The following PIF1 variants were observed in gnomAD, a reference collection of about 807,000 sequenced individuals.
PIF1 encodes ATP-dependent DNA helicase PIF1.
In PIF1, 67 loss-of-function variants were observed where a neutral mutation model predicts 62.3. The observed-to-expected ratio is 1.08, with a 90% CI of 0.88 to 1.32. The LOEUF (loss-of-function observed/expected upper bound fraction) is 1.32, where lower values mean the gene tolerates loss of function less well. PIF1 is among the 40% of genes most tolerant of loss of function. The probability of loss-of-function intolerance (pLI) is 0.00; values close to 1 mark genes in which losing one functional copy is unlikely to be tolerated. For missense variants in PIF1, 886 were observed against 866.1 expected (o/e 1.02, Z -0.29); for synonymous variants, 364 against 379.5 (o/e 0.96, Z 0.47).
chr15:64,825,176 C>T (rs1005882104), intron 1 of PIF1, among the ~76,000 whole-genome samples: 2 of 151,816 alleles, frequency 1.3e-5, no homozygotes, highest in African/African-American at 4.8e-5. Context: ...CACATGAATC[C>T]TCAGAGTACT....
chr15:64,816,567 C>T lies in PIF1; in HGVS notation c.1866+7G>A. ...CCACAGCCCACCACTGGATGACTCC[C>T]TCTTACCAGACTGAGGCTCCTGCCC... On this transcript the variant is annotated splice_region_variant and intron_variant, in intron 12 of 12. Transcript: ENST00000559239. 1 of 1,613,084 alleles carries T rather than the reference C, an allele frequency of 6.2e-7. No individual in the cohort carries two copies. The highest frequency in any genetic ancestry group is 1.1e-5 in the South Asian group (1 of 91,042).
At chr15:64,823,476 T>C (rs986128175) in intron 2 of PIF1, 9 of 243,418 alleles carry the variant, frequency 3.7e-5, no homozygotes, top group African/African-American at 1.6e-4. Context: ...TCAGAACTCC[T>C]AACCTCAGGT....
chr15:64,823,935 G>C lies in PIF1; in HGVS notation c.401C>G (p.Ser134Cys). ...LAAAPGPGPASARAQLLGPRP... is the reference protein window; with the variant it reads ...LAAAPGPGPACARAQLLGPRP... Reference sequence around the variant, plus strand: ...CGGGCCCAGCAGCTGCGCTCGGGCGGAGGCCGGCCCGGGACCCGGGGCCGC... The same window carrying C: ...CGGGCCCAGCAGCTGCGCTCGGGCGCAGGCCGGCCCGGGACCCGGGGCCGC... The change falls in exon 2 of 13, where the codon TCC (serine) becomes TGC (cysteine). Residue 134 changes from serine (S) to cysteine (C), a missense_variant. By Grantham distance (112) the Ser-to-Cys change is moderately radical. Transcript: ENST00000559239. 1 of 1,318,826 alleles carries C rather than the reference G, an allele frequency of 7.6e-7. No homozygotes were observed. Among genetic ancestry groups the C allele is most frequent in the Non-Finnish European group, 9.7e-7 (1 of 1,029,298 alleles). The allele number at this position is 1,318,826 out of a possible 1,614,324, so 81.7% of individuals were successfully genotyped here. A position where few individuals can be genotyped will look rare whatever the true frequency, so the allele number is the denominator to read the frequency against.
chr15:64,821,139 G>A, intron 6 of PIF1, 28 bp downstream of exon 6: 4 of 1,613,320 alleles, frequency 2.5e-6, no homozygotes, highest in Non-Finnish European at 3.4e-6. Flanking sequence ...GACCCCCAAG[G>A]AGAGCAGAGC....
chr15:64,817,525 G>C (rs1024028405), intron 11 of PIF1, among the ~76,000 whole-genome samples: 1 of 151,744 alleles, frequency 6.6e-6, no homozygotes, highest in Non-Finnish European at 1.5e-5. Flanking sequence ...GGGCGACAGA[G>C]CAAGACTCTG....
At chr15:64,822,106 C>T in intron 4 of PIF1, 160 bp downstream of exon 4, 2 of 911,692 alleles carry the variant, frequency 2.2e-6, no homozygotes, top group Non-Finnish European at 1.7e-6. Flanking sequence ...AACTCCTGGG[C>T]TCAAGCGATC....
At chr15:64,820,085 T>C in intron 7 of PIF1, 99 bp from the exon 8 acceptor site, 1 of 1,456,040 alleles carries the variant, frequency 6.9e-7, no homozygotes, top group Non-Finnish European at 9.3e-7. Context: ...GGGTCAGGCC[T>C]TGGGACTGGA....
chr15:64,817,921 C>G (rs1260390479), intron 11 of PIF1, 25 bp downstream of exon 11: 8 of 1,594,730 alleles, frequency 5.0e-6, no homozygotes. Context: ...CCCTCCCTGT[C>G]CCTGCCCCCC....
chr15:64,822,597 C>T lies in PIF1; in HGVS notation c.572G>A (p.Trp191Ter). The T allele has an allele frequency of 6.2e-7, 1 of 1,613,970 alleles. No individual in the cohort carries two copies. Among genetic ancestry groups the T allele is most frequent in the Non-Finnish European group, 8.5e-7 (1 of 1,180,020 alleles). Residue 191 changes from tryptophan to a stop codon, truncating the protein, a stop_gained, in exon 3 of 13, where the codon TGG becomes TAG. Coordinates refer to ENST00000559239, the MANE Select transcript of PIF1 (RefSeq NM_001286496.2). LOFTEE classifies it high-confidence loss of function. Reference protein sequence around the residue: ...GAEPSTEAPRWPLPVKRLSLP... With the variant: ...GAEPSTEAPR The stretch of plus-strand genomic sequence containing the variant: ...GCTCAGCCTCTTCACAGGCAGGGGC[C>T]ACCTTGGGGCTTCCTGGGGGGAACA...
chr15:64,817,779 T>TGGTG, intron 11 of PIF1, among the ~76,000 whole-genome samples, 167 bp downstream of exon 11: 1 of 150,872 alleles, frequency 6.6e-6, no homozygotes, highest in East Asian at 2.0e-4. Context: ...GGAGAATCTC[T>TGGTG]TGAACCTGGG....
At position 64,817,867 on chromosome 15, in the gene PIF1, T is replaced by C. The variant is rs926076346; in HGVS notation, c.1674+79A>G. The C allele has an allele frequency of 1.2e-5, 17 of 1,471,788 alleles. No individual in the cohort carries two copies. The African/African-American group carries it at 2.1e-4, about 19-fold the overall frequency. The allele number at this position is 1,471,788 out of a possible 1,614,324, so 91.2% of individuals were successfully genotyped here. A position where few individuals can be genotyped will look rare whatever the true frequency, so the allele number is the denominator to read the frequency against. ...ACAGAGCAAGACTCTGTCTCAAAAA[T>C]AAAAAAAAGACACATAGACTGCAAC... On this transcript the variant is annotated intron_variant, in intron 11 of 12. Transcript: ENST00000559239.
At position 64,823,872 on chromosome 15, in the gene PIF1, G is replaced by A. The variant is rs770731971; in HGVS notation, c.464C>T (p.Pro155Leu). ...RDFVTISPVQPEERRLRAATR... is the reference protein window; with the variant it reads ...RDFVTISPVQLEERRLRAATR... ...GGCCGCCCTGAGCCGCCGCTCCTCG[G>A]GCTGCACAGGGCTGATGGTGACGAA... The change falls in exon 2 of 13, where the codon CCC becomes CTC. Residue 155 changes from proline (P) to leucine (L), a missense_variant. Coordinates refer to ENST00000559239, the MANE Select transcript of PIF1 (RefSeq NM_001286496.2). The A allele has an allele frequency of 2.9e-6, 4 of 1,386,456 alleles. No individual in the cohort carries two copies. Among genetic ancestry groups the A allele is most frequent in the South Asian group, 3.7e-5 (2 of 54,196 alleles). The allele number at this position is 1,386,456 out of a possible 1,614,324, so 85.9% of individuals were successfully genotyped here. A position where few individuals can be genotyped will look rare whatever the true frequency, so the allele number is the denominator to read the frequency against.
Position 64,821,186 on chromosome 15 carries a change from G to T in PIF1, c.1067C>A (p.Pro356His). 6.2e-7 allele frequency: 1 copy of T among 1,614,184 alleles called. No individual in the cohort carries two copies. Among genetic ancestry groups the T allele is most frequent in the Non-Finnish European group, 8.5e-7 (1 of 1,180,028 alleles). Residue 356 changes from proline (P) to histidine (H), a missense_variant, in exon 6 of 13, where the codon CCC (proline) becomes CAC (histidine). Physicochemically the swap from Pro to His is moderately conservative, Grantham distance 77. Transcript: ENST00000559239. ...QLPPVTKGSQ[P>H]PRFCFQSKSW... is the part of the protein sequence containing the mutation. ...TAATACCTGGAAGCAGAACCGTGGG[G>T]GCTGGGAGCCCTTGGTCACAGGTGG... is the stretch of plus-strand genomic sequence containing the variant.
intron 9 of PIF1, 137 bp from the exon 10 acceptor site, chr15:64,818,481 G>A (rs1011104058): frequency 9.0e-6 from 7 of 774,218 alleles, no homozygotes; most frequent in Non-Finnish European, 1.4e-5. Context: ...TCTGCCACTG[G>A]CTGCCTGTGA....
rs1823302302 is a variant in PIF1 at position 64,822,617 on chromosome 15, G to T, written c.559-7C>A. 2 of 1,613,446 alleles carry T rather than the reference G, an allele frequency of 1.2e-6. No homozygotes were observed. The highest frequency in any genetic ancestry group is 1.7e-6 in the Non-Finnish European group (2 of 1,179,958). On this transcript the variant is annotated splice_polypyrimidine_tract_variant and splice_region_variant and intron_variant, in intron 2 of 12. Coordinates refer to ENST00000559239, the MANE Select transcript of PIF1 (RefSeq NM_001286496.2). ...GGGGCCACCTTGGGGCTTCCTGGGG[G>T]GAACAGAGCTATCTCAGAGCATCCT...
At position 64,824,326 on chromosome 15, in the gene PIF1, C is replaced by A. The variant is rs1233784403; in HGVS notation, c.10G>T (p.Gly4Cys). The change falls in exon 2 of 13, where the codon GGC (glycine) becomes TGC (cysteine). Residue 4 changes from glycine to cysteine, a missense_variant. Physicochemically the swap from Gly to Cys is radical, Grantham distance 159. Transcript: ENST00000559239. ...TATTCCCCTGCCGCCGCCTCTATGC[C>A]CGAGAGCATCGTCACCGCCTCTGCT... is the stretch of plus-strand genomic sequence containing the variant. Reference protein sequence around the residue: MLSGIEAAAGEYED... With the variant: MLSCIEAAAGEYED... 3 of 1,253,188 alleles carry A rather than the reference C, an allele frequency of 2.4e-6. No individual in the cohort carries two copies. The highest frequency in any genetic ancestry group is 3.0e-6 in the Non-Finnish European group (3 of 997,818). The allele number at this position is 1,253,188 out of a possible 1,614,324, so 77.6% of individuals were successfully genotyped here.
rs892550022 is a variant in PIF1, at chr15:64,823,760, C to T, written c.558+18G>A. ...GGCACATCTACTCCTAAAGGTGTCCCTTCTTTCCCGTCCTCACTGTGCTAG... is the reference window on the plus strand; with the variant it reads ...GGCACATCTACTCCTAAAGGTGTCCTTTCTTTCCCGTCCTCACTGTGCTAG... On this transcript the variant is annotated intron_variant, in intron 2 of 12. Coordinates refer to ENST00000559239, the MANE Select transcript of PIF1 (RefSeq NM_001286496.2). 3 of 1,311,676 alleles carry T rather than the reference C, an allele frequency of 2.3e-6. No individual in the cohort carries two copies. Among genetic ancestry groups the T allele is most frequent in the African/African-American group, 3.0e-5 (2 of 66,312 alleles). The allele number at this position is 1,311,676 out of a possible 1,614,324, so 81.3% of individuals were successfully genotyped here.
At chr15:64,823,736 G>A in intron 2 of PIF1, 42 bp downstream of exon 2, 1 of 1,272,592 alleles carries the variant, frequency 7.9e-7, no homozygotes. Context: ...TTAAAGAATG[G>A]CACATCTACT....
At chr15:64,821,658 G>T in intron 4 of PIF1, 138 bp from the exon 5 acceptor site, 2 of 995,158 alleles carry the variant, frequency 2.0e-6, no homozygotes, top group Non-Finnish European at 2.8e-6. Flanking sequence ...TGTAACCTGG[G>T]CCTCATGGGC....
Sources: allele counts gnomAD v4.1 joint callset (sites outside exome capture counted in the v4.1 genomes callset), GRCh38; gene constraint gnomAD v4.1.1; transcripts MANE v1.5; gene names NCBI Gene and HGNC (gene_info 2026-07-23, HGNC 2026-07-21).